The following ZNF324B variants were observed in gnomAD, a reference collection of about 807,000 sequenced individuals.
ZNF324B encodes the protein zinc finger protein 324B.
Under a neutral mutation model 10.6 loss-of-function variants are expected in ZNF324B, and 7 were observed. That is an observed-to-expected ratio of 0.66 (90% CI 0.38 to 1.24). The LOEUF (loss-of-function observed/expected upper bound fraction) is 1.24, where lower values mean the gene tolerates loss of function less well. ZNF324B is among the 50% of genes most tolerant of loss of function. The pLI is 0.02. For missense variants in ZNF324B, 640 were observed against 764.7 expected (o/e 0.84, Z 1.92); for synonymous variants, 316 against 321.0 (o/e 0.98, Z 0.17).
chr19:58,455,933 G>T lies in ZNF324B; in HGVS notation c.989G>T (p.Arg330Leu), dbSNP rs1285594644. 1 of 1,596,304 alleles carries T rather than the reference G, an allele frequency of 6.3e-7. No individual in the cohort carries two copies. The highest frequency in any genetic ancestry group is 2.3e-5 in the East Asian group (1 of 44,298). ...TTCCGGCATAGCTCCTCGCTGGTGCGGCACCAGCGCATCCACACGGCCGAG... is the reference window on the plus strand; with the variant it reads ...TTCCGGCATAGCTCCTCGCTGGTGCTGCACCAGCGCATCCACACGGCCGAG... The part of the protein sequence containing the change: ...KAFRHSSSLV[R>L]HQRIHTAEKS... Residue 330 changes from arginine to leucine, a missense_variant, in exon 4 of 4, where the codon CGG becomes CTG. Physicochemically the swap from Arg to Leu is moderately radical, Grantham distance 102. Transcript: ENST00000336614. The surrounding 1 kb of genome is among the most constrained non-coding windows in gnomAD (Gnocchi z 7.0).
chr19:58,455,589 C>A lies in ZNF324B; in HGVS notation c.645C>A (p.Ala215=), dbSNP rs2052908914. Residue 215 remains alanine (A), a synonymous_variant, in exon 4 of 4, where the codon GCC becomes GCA. Transcript: ENST00000336614. This position sits in a 1 kb window ranked among gnomAD's most constrained non-coding sequence, Gnocchi z 7.0. ...TCGGGAATGCCTCGGACCTGAAGGC[C>A]GCCAGTGGTGGCAGGGATCGCAGAA... ...RAFGNASDLK[A]ASGGRDRRMG... is the part of the protein sequence containing the mutation. 3 of 1,613,950 alleles carry A rather than the reference C, an allele frequency of 1.9e-6. No individual in the cohort carries two copies. In the Admixed American group the frequency reaches 5.0e-5, roughly 27 times the overall value.
the ZNF324B span, chr19:58,434,931 T>C: frequency 6.2e-7 from 1 of 1,614,162 alleles, no homozygotes; most frequent in Non-Finnish European, 8.5e-7. Context: ...CCTTGTACCA[T>C]CTAAAGGGCT....
chr19:58,437,023 C>T, the ZNF324B span: 1 of 1,614,050 alleles, frequency 6.2e-7, no homozygotes, highest in African/African-American at 1.3e-5. Flanking sequence ...AGGTAGTCAT[C>T]ACCATGCTGA....
the ZNF324B span, chr19:58,435,490 T>G: frequency 3.1e-6 from 1 of 325,212 alleles, no homozygotes; most frequent in South Asian, 6.5e-5. Context: ...TATACACAAA[T>G]GGCCAATAAG....
chr19:58,433,087 C>G, the ZNF324B span: 5 of 490,668 alleles, frequency 1.0e-5, no homozygotes, highest in Non-Finnish European at 1.8e-5. Context: ...GAGGACAGGA[C>G]TGCTGCAAAT....
At chr19:58,450,288 CT>C (rs1368653509), upstream of ZNF324B, among the ~76,000 whole-genome samples, 3 of 151,934 alleles carry the variant, frequency 2.0e-5, no homozygotes, top group African/African-American at 7.3e-5. Context: ...TCAGATATGT[CT>C]TTATCAGCAA....
chr19:58,432,453 C>A, the ZNF324B span: 15 of 380,656 alleles, frequency 3.9e-5, no homozygotes, highest in African/African-American at 1.3e-4. Context: ...ACCAGTCTAC[C>A]CAAATCCCTG....
chr19:58,449,418 AG>A (rs1421930081), upstream of ZNF324B, among the ~76,000 whole-genome samples: 1 of 152,190 alleles, frequency 6.6e-6, no homozygotes, highest in Admixed American at 6.5e-5. Context: ...AGCTGTGAGA[AG>A]GGGGCCACCA....
At chr19:58,435,252 G>T in the ZNF324B span, 1 of 1,574,552 alleles carries the variant, frequency 6.4e-7, no homozygotes, top group Non-Finnish European at 8.6e-7. Flanking sequence ...AATTCCACTT[G>T]GTGGGAATGG....
At chr19:58,451,988 G>C (rs2122340149) in intron 1 of ZNF324B, 1 of 238,512 alleles carries the variant, frequency 4.2e-6, no homozygotes, top group Non-Finnish European at 8.4e-6. Context: ...TGACAAGCCC[G>C]CGCCGGGGGG....
At chr19:58,450,401 G>T (rs1345261374), upstream of ZNF324B, among the ~76,000 whole-genome samples, 1 of 148,746 alleles carries the variant, frequency 6.7e-6, no homozygotes, top group East Asian at 2.0e-4. Context: ...GGAGGCGGAG[G>T]TTGCAGTGAC....
chr19:58,427,349 CCTT>C, the ZNF324B span, among the ~76,000 whole-genome samples: 874 of 55,522 alleles, frequency 0.016, 22 homozygotes, highest in Admixed American at 0.034. Flanking sequence ...CTTTCTCTTT[CCTT>C]TCTTTCTTTC....
At chr19:58,433,219 A>G in the ZNF324B span, 11 of 1,250,402 alleles carry the variant, frequency 8.8e-6, no homozygotes, top group African/African-American at 1.1e-4. Context: ...GCTTTTCCAC[A>G]TTAGCAGTAC....
intron 2 of ZNF324B, 121 bp from the exon 3 acceptor site, chr19:58,454,107 C>A (rs2052888840): frequency 2.7e-6 from 2 of 737,742 alleles, no homozygotes; most frequent in Non-Finnish European, 4.7e-6. Flanking sequence ...CCTGTGCTAT[C>A]TTTAGATTCT....
At position 58,451,637 on chromosome 19, in the gene ZNF324B, G is replaced by T. The variant is rs372332129; in HGVS notation, c.-74G>T. ...CGTTGGGACTGTCACTTGGCTGCTCGCGTCAGGCCACACCGGTGGTCTGGG... is the reference window on the plus strand; with the variant it reads ...CGTTGGGACTGTCACTTGGCTGCTCTCGTCAGGCCACACCGGTGGTCTGGG... On this transcript the variant is annotated 5_prime_UTR_variant, in exon 1 of 4. Transcript: ENST00000336614. 5 of 517,026 alleles carry T rather than the reference G, an allele frequency of 9.7e-6. No homozygotes were observed. The highest frequency in any genetic ancestry group is 1.9e-5 in the Admixed American group (1 of 51,516). 32.0% of individuals were successfully genotyped at this position (517,026 alleles called of 1,614,324 possible). A position where few individuals can be genotyped will look rare whatever the true frequency, so the allele number is the denominator to read the frequency against.
At chr19:58,434,408 G>A in the ZNF324B span, 1 of 1,614,218 alleles carries the variant, frequency 6.2e-7, no homozygotes, top group East Asian at 2.2e-5. Context: ...CACTCATAAG[G>A]TCTTTCTCCT....
At chr19:58,443,205 CGTTTA>C in the ZNF324B span, 1 of 151,880 alleles carries the variant, frequency 6.6e-6, no homozygotes, top group Non-Finnish European at 1.5e-5. Flanking sequence ...CTGATTGGTG[CGTTTA>C]CTAACCTTTA....
the ZNF324B span, chr19:58,437,844 T>G: frequency 1.0e-6 from 1 of 968,534 alleles, no homozygotes; most frequent in Admixed American, 6.2e-5. Context: ...GCCCTGTTCC[T>G]TCAACCATCA....
At chr19:58,426,726 G>C in the ZNF324B span, among the ~76,000 whole-genome samples, 1 of 152,202 alleles carries the variant, frequency 6.6e-6, no homozygotes, top group East Asian at 1.9e-4. Context: ...AGCCTTTCAA[G>C]GGTGTCCCTG....
Sources: gnomAD v4.1 joint callset for allele counts (sites outside exome capture counted in the v4.1 genomes callset) on GRCh38, gnomAD v4.1.1 for gene constraint, Gnocchi (gnomAD v3.1) non-coding constraint, MANE v1.5 for transcripts, NCBI Gene and HGNC (gene_info 2026-07-23, HGNC 2026-07-21) for gene names.